Variants in ALG6 observed in about 807,000 individuals in gnomAD.
The protein encoded by ALG6 is dolichyl pyrophosphate Man9GlcNAc2 alpha-1,3-glucosyltransferase.
In ALG6, 46 loss-of-function variants were observed where a neutral mutation model predicts 66.6. That is an observed-to-expected ratio of 0.69 (90% CI 0.55 to 0.88). ALG6 has a LOEUF of 0.88. Ranked by LOEUF, ALG6 falls within the 40% of genes least tolerant of loss-of-function variation. The pLI is 0.00. For synonymous variants in ALG6, 185 were observed against 203.7 expected, an observed-to-expected ratio of 0.91 and a Z score of 0.78; for missense variants, 505 against 586.8, an observed-to-expected ratio of 0.86 and a Z score of 1.44.
At chr1:63,429,301 CATCATCTA>C (rs1423422509) in intron 14 of ALG6, among the ~76,000 whole-genome samples, 175 bp downstream of exon 14, 1 of 152,108 alleles carries the variant, frequency 6.6e-6, no homozygotes, top group East Asian at 1.9e-4. Context: ...CAACTATCAC[CATCATCTA>C]ATTTTACATT....
intron 11 of ALG6, among the ~76,000 whole-genome samples, chr1:63,417,031 A>C (rs1644548951): frequency 2.0e-5 from 3 of 152,208 alleles, no homozygotes; most frequent in Admixed American, 6.5e-5. Context: ...ACAATGCAAA[A>C]AGGATAGCTT....
chr1:63,382,822 C>T (rs112043124), intron 2 of ALG6, among the ~76,000 whole-genome samples: 5,583 of 151,606 alleles, frequency 0.037, 391 homozygotes, highest in African/African-American at 0.13. Flanking sequence ...ACTACAGGTG[C>T]CTGCCACCAC....
intron 14 of ALG6, among the ~76,000 whole-genome samples, chr1:63,434,017 G>T (rs1205711104): frequency 6.6e-6 from 1 of 152,212 alleles, no homozygotes; most frequent in Non-Finnish European, 1.5e-5. Context: ...TGCAAATGCA[G>T]TGAACATCAT....
At chr1:63,419,255 G>A in intron 11 of ALG6, 115 bp from the exon 12 acceptor site, 1 of 867,388 alleles carries the variant, frequency 1.2e-6, no homozygotes, top group East Asian at 2.5e-5. Context: ...TCTAAATAGA[G>A]CTTTAATAAA....
At chr1:63,415,979 A>G in intron 11 of ALG6, 22 bp downstream of exon 11, 1 of 1,492,970 alleles carries the variant, frequency 6.7e-7, no homozygotes, top group African/African-American at 1.4e-5. Context: ...ATTACTTTAG[A>G]TACTTAATTC....
intron 2 of ALG6, among the ~76,000 whole-genome samples, chr1:63,390,415 C>T (rs1648635143): frequency 6.6e-6 from 1 of 152,098 alleles, no homozygotes; most frequent in South Asian, 2.1e-4. Context: ...TTTTACTCTC[C>T]AGTCTCCTTT....
chr1:63,394,133 C>T (rs1648749319), intron 2 of ALG6, among the ~76,000 whole-genome samples: 1 of 152,148 alleles, frequency 6.6e-6, no homozygotes, highest in African/African-American at 2.4e-5. Flanking sequence ...TGTTGTAAAA[C>T]TGGAGAAAAT....
rs189790743 is a variant in ALG6, at chr1:63,389,075, G to T, written c.83-7438G>T. On this transcript the variant is annotated intron_variant, in intron 2 of 14. Transcript: ENST00000263440. ...CTTATTTGCATTAAATCTGCTTGGT[G>T]TTCTATAACCTTCTTGTACTTGAAT... Among the ~76,000 whole-genome samples the T allele has an allele frequency of 8.5e-4, 129 of 152,214 alleles. 1 individual carries two copies. The East Asian group carries it at 0.023, about 27-fold the overall frequency.
At chr1:63,419,005 C>T (rs1392419150) in intron 11 of ALG6, among the ~76,000 whole-genome samples, 1 of 151,628 alleles carries the variant, frequency 6.6e-6, no homozygotes, top group Non-Finnish European at 1.5e-5. Context: ...TTTGTTTTGC[C>T]GGTTTTAGAT....
chr1:63,367,663 A>G lies in ALG6; in HGVS notation c.-232A>G, dbSNP rs1647767703. On this transcript the variant is annotated 5_prime_UTR_variant, in exon 1 of 15. Coordinates refer to ENST00000263440, the MANE Select transcript of ALG6 (RefSeq NM_013339.4). ...TTCCTGGGACCCACGGCAGGCGCGA[A>G]TCCCAGCGGCCGGCGGGCGGCGGGG... 6.6e-6 allele frequency: 1 copy of G among 152,270 alleles called. No homozygotes were observed. The highest frequency in any genetic ancestry group is 1.5e-5 in the Non-Finnish European group (1 of 68,084). The allele number at this position is 152,270 out of a possible 1,614,324, so 9.4% of individuals were successfully genotyped here.
At chr1:63,431,281 G>T (rs1246609118) in intron 14 of ALG6, among the ~76,000 whole-genome samples, 1 of 152,044 alleles carries the variant, frequency 6.6e-6, no homozygotes, top group East Asian at 1.9e-4. Context: ...CACTGATTTT[G>T]TTCTTTTACA....
intron 7 of ALG6, 38 bp downstream of exon 7, chr1:63,407,164 A>T (rs1436588163): frequency 6.8e-6 from 10 of 1,469,460 alleles, no homozygotes; most frequent in Non-Finnish European, 9.5e-6. Context: ...TCAGTTGCAT[A>T]TTGTGAAATC....
At chr1:63,390,992 G>T (rs535407796) in intron 2 of ALG6, among the ~76,000 whole-genome samples, 2 of 152,168 alleles carry the variant, frequency 1.3e-5, no homozygotes, top group Non-Finnish European at 2.9e-5. Flanking sequence ...TCTTATGAAG[G>T]TACTTTCTTG....
chr1:63,399,082 C>T (rs948521760), intron 3 of ALG6, among the ~76,000 whole-genome samples: 2 of 152,118 alleles, frequency 1.3e-5, no homozygotes, highest in Non-Finnish European at 2.9e-5. Context: ...TTCCAAGTTC[C>T]CTCAGGCTGT....
chr1:63,374,278 G>A (rs541288850), intron 2 of ALG6, among the ~76,000 whole-genome samples: 1 of 152,212 alleles, frequency 6.6e-6, no homozygotes, highest in Admixed American at 6.5e-5. Flanking sequence ...CTGATCTTGG[G>A]GAATTTATTT....
At chr1:63,430,425 G>C (rs941780782) in intron 14 of ALG6, among the ~76,000 whole-genome samples, 3 of 152,182 alleles carry the variant, frequency 2.0e-5, no homozygotes, top group Admixed American at 6.5e-5. Context: ...CCTGGGAGTA[G>C]AATTGCTAGA....
At chr1:63,398,016 C>T (rs999620202) in intron 3 of ALG6, among the ~76,000 whole-genome samples, 1 of 152,130 alleles carries the variant, frequency 6.6e-6, no homozygotes, top group Non-Finnish European at 1.5e-5. Context: ...TTTTATTGAA[C>T]ATATCCTGAT....
At chr1:63,390,267 C>T (rs573005807) in intron 2 of ALG6, among the ~76,000 whole-genome samples, 3 of 152,256 alleles carry the variant, frequency 2.0e-5, no homozygotes, top group East Asian at 3.9e-4. Context: ...GCCTGGAATC[C>T]GGGACTCCAG....
intron 14 of ALG6, among the ~76,000 whole-genome samples, chr1:63,430,885 A>G (rs1271903020): frequency 6.6e-6 from 1 of 152,040 alleles, no homozygotes. Context: ...AAAAGTTTTG[A>G]TTTTGATAAC....
Sources: allele counts gnomAD v4.1 joint callset (sites outside exome capture counted in the v4.1 genomes callset), GRCh38; gene constraint gnomAD v4.1.1; transcripts MANE v1.5; gene names NCBI Gene and HGNC (gene_info 2026-07-23, HGNC 2026-07-21).